The following GRXCR1 variants were observed in gnomAD, a reference collection of about 807,000 sequenced individuals.
GRXCR1 encodes glutaredoxin domain-containing cysteine-rich protein 1.
Under a neutral mutation model 27.3 loss-of-function variants are expected in GRXCR1, and 27 were observed. That is an observed-to-expected ratio of 0.99 (90% CI 0.73 to 1.37). The LOEUF (loss-of-function observed/expected upper bound fraction) is 1.37, where lower values mean the gene tolerates loss of function less well. Among genes scored for constraint, GRXCR1 ranks in the 40% most tolerant of loss-of-function variants. The pLI is 0.00. For synonymous variants in GRXCR1, 122 were observed against 131.1 expected (o/e 0.93, Z 0.47); for missense variants, 379 against 354.4 (o/e 1.07, Z -0.56).
chr4:42,993,405 C>T (rs537815831), intron 2 of GRXCR1, among the ~76,000 whole-genome samples: 2 of 151,938 alleles, frequency 1.3e-5, no homozygotes, highest in South Asian at 4.2e-4. Flanking sequence ...AATCTTTAAA[C>T]TATATGTTCT....
chr4:43,012,126 C>A (rs538947733), intron 2 of GRXCR1, among the ~76,000 whole-genome samples: 4 of 152,170 alleles, frequency 2.6e-5, no homozygotes, highest in African/African-American at 9.7e-5. Flanking sequence ...AAAATTGACT[C>A]AATTTTCCTT....
intron 3 of GRXCR1, among the ~76,000 whole-genome samples, chr4:43,024,196 C>CTTTTTT: frequency 4.5e-5 from 1 of 22,344 alleles, no homozygotes; most frequent in Non-Finnish European, 8.0e-5. Context: ...CATTTTCTGT[C>CTTTTTT]CTTTTTTTTT....
intron 2 of GRXCR1, among the ~76,000 whole-genome samples, chr4:43,014,571 T>C (rs1283421393): frequency 6.6e-6 from 1 of 152,140 alleles, no homozygotes; most frequent in East Asian, 1.9e-4. Flanking sequence ...CTCCAGTGGT[T>C]TGCTCTTCAG....
chr4:42,978,995 T>C (rs1404624783), intron 2 of GRXCR1, among the ~76,000 whole-genome samples: 1 of 152,018 alleles, frequency 6.6e-6, no homozygotes, highest in Non-Finnish European at 1.5e-5. Flanking sequence ...AGAAGGTGCC[T>C]TGCTTCTCTT....
intron 2 of GRXCR1, among the ~76,000 whole-genome samples, chr4:43,004,333 A>T (rs1712480155): frequency 6.6e-6 from 1 of 152,246 alleles, no homozygotes; most frequent in South Asian, 2.1e-4. Flanking sequence ...TGGAGCCCCC[A>T]TGGAGAACCT....
chr4:43,011,440 C>T (rs1233061335), intron 2 of GRXCR1, among the ~76,000 whole-genome samples: 2 of 152,230 alleles, frequency 1.3e-5, no homozygotes, highest in East Asian at 3.9e-4. Flanking sequence ...CCTCTTAGTC[C>T]TCTTCCCAGA....
intron 3 of GRXCR1, among the ~76,000 whole-genome samples, chr4:43,021,262 A>G (rs1713084219): frequency 6.6e-6 from 1 of 152,136 alleles, no homozygotes; most frequent in Non-Finnish European, 1.5e-5. Context: ...CTGTCTGCCT[A>G]GAATGATATT....
intron 2 of GRXCR1, among the ~76,000 whole-genome samples, chr4:43,008,207 T>C (rs1712626823): frequency 6.6e-6 from 1 of 152,254 alleles, no homozygotes; most frequent in Non-Finnish European, 1.5e-5. Flanking sequence ...GACTGTGTTT[T>C]ACCTCAGTAA....
At chr4:42,915,806 ATTAC>A (rs1746872333) in intron 1 of GRXCR1, among the ~76,000 whole-genome samples, 1 of 151,978 alleles carries the variant, frequency 6.6e-6, no homozygotes, top group Non-Finnish European at 1.5e-5. Context: ...ATCCTTGCCT[ATTAC>A]TTTGTTTCTG....
chr4:42,963,391 G>A (rs776521070), intron 2 of GRXCR1, among the ~76,000 whole-genome samples: 1 of 151,952 alleles, frequency 6.6e-6, no homozygotes, highest in East Asian at 1.9e-4. Context: ...AAAATATTCA[G>A]TTAACTTCAG....
chr4:42,913,682 A>G (rs544318557), intron 1 of GRXCR1, among the ~76,000 whole-genome samples: 9 of 152,316 alleles, frequency 5.9e-5, no homozygotes, highest in South Asian at 2.1e-4. Context: ...CTGAATCTTA[A>G]TCACCAAGCC....
At chr4:43,009,632 T>G (rs1712674762) in intron 2 of GRXCR1, among the ~76,000 whole-genome samples, 1 of 152,146 alleles carries the variant, frequency 6.6e-6, no homozygotes, top group Admixed American at 6.5e-5. Flanking sequence ...TCCTGGTTCA[T>G]AGATGGCCAT....
intron 1 of GRXCR1, among the ~76,000 whole-genome samples, chr4:42,904,078 C>A (rs534376804): frequency 6.6e-6 from 1 of 152,268 alleles, no homozygotes; most frequent in South Asian, 2.1e-4. Context: ...TACTAGACAT[C>A]ATTCAGGATT....
chr4:42,901,748 T>G (rs1477430776), intron 1 of GRXCR1, among the ~76,000 whole-genome samples: 1 of 152,200 alleles, frequency 6.6e-6, no homozygotes, highest in South Asian at 2.1e-4. Context: ...GACTAAATCA[T>G]TGGCTTCATT....
chr4:42,936,543 A>G (rs563029620), intron 1 of GRXCR1, among the ~76,000 whole-genome samples: 1 of 151,954 alleles, frequency 6.6e-6, no homozygotes, highest in Non-Finnish European at 1.5e-5. Flanking sequence ...TGTTAAAATA[A>G]GTGTGGTACA....
intron 2 of GRXCR1, among the ~76,000 whole-genome samples, chr4:42,968,949 G>C (rs1748315296): frequency 6.6e-6 from 1 of 152,116 alleles, no homozygotes; most frequent in African/African-American, 2.4e-5. Flanking sequence ...TGGGTAGGCA[G>C]TTAGTGTCTG....
chr4:42,987,275 T>TAGAG (rs1248253629), intron 2 of GRXCR1, among the ~76,000 whole-genome samples: 10 of 102,234 alleles, frequency 9.8e-5, no homozygotes, highest in South Asian at 3.0e-4. Flanking sequence ...TATATATATA[T>TAGAG]ATAGAGAGAG....
chr4:42,945,330 AAAG>A (rs1449741287), intron 1 of GRXCR1, among the ~76,000 whole-genome samples: 3 of 152,290 alleles, frequency 2.0e-5, no homozygotes, highest in Non-Finnish European at 4.4e-5. Flanking sequence ...TCATAAAAAG[AAAG>A]AAGGAGAAAT....
intron 1 of GRXCR1, among the ~76,000 whole-genome samples, chr4:42,933,102 A>G (rs1747368581): frequency 6.6e-6 from 1 of 151,922 alleles, no homozygotes; most frequent in Non-Finnish European, 1.5e-5. Flanking sequence ...GGTAAAGAGA[A>G]TTAGGCAGAC....
Sources: gnomAD v4.1 joint callset for allele counts (sites outside exome capture counted in the v4.1 genomes callset) on GRCh38, gnomAD v4.1.1 for gene constraint, MANE v1.5 for transcripts, NCBI Gene and HGNC (gene_info 2026-07-23, HGNC 2026-07-21) for gene names.